The following EFHC1 variants were observed in gnomAD, a reference collection of about 807,000 sequenced individuals.
EFHC1 encodes EF-hand domain containing 1.
In EFHC1, 53 loss-of-function variants were observed where a neutral mutation model predicts 69.9. The ratio of observed to expected loss-of-function variants is 0.76; its 90% CI spans 0.61 to 0.95. The LOEUF is 0.95. Ranked by LOEUF, EFHC1 falls within the 40% of genes least tolerant of loss-of-function variation. The pLI is 0.00. For synonymous variants in EFHC1, 256 were observed against 278.4 expected (o/e 0.92, Z 0.80); for missense variants, 739 against 798.7 (o/e 0.93, Z 0.90).
At position 52,496,195 on chromosome 6, in the gene EFHC1, TACACACACACACCC is replaced by T. The variant is rs749969695; in HGVS notation, c.*3867_*3880del. ...CCACCAGGGAGTTGAAAGATTCTAA[TACACACACACACCC>T]ACACACACACACACACAAAGAGAGA... On this transcript the variant is annotated 3_prime_UTR_variant, in exon 11 of 11. Coordinates refer to ENST00000371068, the MANE Select transcript of EFHC1 (RefSeq NM_018100.4). 362 of 153,012 alleles carry T rather than the reference TACACACACACACCC, an allele frequency of 2.4e-3. 1 individual carries two copies. Among genetic ancestry groups the T allele is most frequent in the Non-Finnish European group, 4.1e-3 (282 of 68,780 alleles). The allele number at this position is 153,012 out of a possible 1,614,324, so 9.5% of individuals were successfully genotyped here.
chr6:52,445,513 T>C (rs1034656155), intron 3 of EFHC1, among the ~76,000 whole-genome samples: 6 of 145,738 alleles, frequency 4.1e-5, no homozygotes, highest in South Asian at 2.3e-4. Flanking sequence ...TGTGATCTCA[T>C]TGGGATTCAT....
In EFHC1 at chr6:52,469,270, C is replaced by A. The variant is rs1765380751; in HGVS notation, c.1138-63C>A. The stretch of plus-strand genomic sequence containing the variant: ...AGTTTTTTCTTTAAACTTATAGTTA[C>A]CTTTAATGTAATCTTAACACAAGTA... On this transcript the variant is annotated intron_variant, in intron 6 of 10. Transcript: ENST00000371068. 7.5e-6 allele frequency: 12 copies of A among 1,598,472 alleles called. No individual in the cohort carries two copies. The African/African-American group carries it at 8.0e-5, about 11-fold the overall frequency.
Position 52,462,499 on chromosome 6 carries a change from A to T in EFHC1, c.917-2396A>T, listed in dbSNP as rs144942165. Among the ~76,000 whole-genome samples, 539 of 152,294 alleles carry T rather than the reference A, an allele frequency of 3.5e-3. 3 individuals are homozygous for T. The highest frequency in any genetic ancestry group is 0.012 in the African/African-American group (509 of 41,534). ...AACAGAGAAGATTTGTCAAGTCAAAAGTCATCTCCTTGAAAGGACTAATAA... is the reference window on the plus strand; with the variant it reads ...AACAGAGAAGATTTGTCAAGTCAAATGTCATCTCCTTGAAAGGACTAATAA... On this transcript the variant is annotated intron_variant, in intron 5 of 10. Coordinates refer to ENST00000371068, the MANE Select transcript of EFHC1 (RefSeq NM_018100.4).
At chr6:52,456,904 G>C in intron 5 of EFHC1, among the ~76,000 whole-genome samples, 1 of 152,110 alleles carries the variant, frequency 6.6e-6, no homozygotes, top group Middle Eastern at 3.2e-3. Context: ...AACAGAGCAA[G>C]ACTCCATCTC....
chr6:52,466,568 A>G (rs1262502713), intron 6 of EFHC1, among the ~76,000 whole-genome samples: 5 of 152,144 alleles, frequency 3.3e-5, no homozygotes, highest in East Asian at 1.9e-4. Flanking sequence ...ATTATCTGCT[A>G]GTGAATATTT....
intron 3 of EFHC1, among the ~76,000 whole-genome samples, chr6:52,443,027 C>A (rs1285431451): frequency 6.6e-6 from 1 of 152,250 alleles, no homozygotes; most frequent in Admixed American, 6.5e-5. Context: ...TTGCATTTCT[C>A]TGATGGCCAG....
At position 52,452,794 on chromosome 6, in the gene EFHC1, C is replaced by T. The variant is rs796052412; in HGVS notation, c.680C>T (p.Ser227Leu). 1.9e-6 allele frequency: 3 copies of T among 1,614,030 alleles called. No individual in the cohort carries two copies. Among genetic ancestry groups the T allele is most frequent in the Non-Finnish European group, 2.5e-6 (3 of 1,179,886 alleles). The part of the protein sequence containing the change: ...KQPLRKYVTP[S>L]DFDQLKQFLT... ...CCTCTTCGTAAGTATGTCACCCCAT[C>T]AGACTTTGATCAACTCAAGCAATTT... The change falls in exon 4 of 11, where the codon TCA (serine) becomes TTA (leucine). Residue 227 changes from serine to leucine, a missense_variant. Transcript: ENST00000371068.
At chr6:52,450,559 G>A (rs762477876) in intron 3 of EFHC1, among the ~76,000 whole-genome samples, 1 of 152,056 alleles carries the variant, frequency 6.6e-6, no homozygotes, top group Non-Finnish European at 1.5e-5. Context: ...ATTATACAGT[G>A]CCCTTCTTTG....
In EFHC1 at chr6:52,495,578, G is replaced by A. The variant is rs1231646713; in HGVS notation, c.*3237G>A. The A allele has an allele frequency of 2.2e-6, 1 of 454,016 alleles. No individual in the cohort carries two copies. The highest frequency in any genetic ancestry group is 4.4e-6 in the Non-Finnish European group (1 of 226,744). The allele number at this position is 454,016 out of a possible 1,614,324, so 28.1% of individuals were successfully genotyped here. On this transcript the variant is annotated 3_prime_UTR_variant, in exon 11 of 11. Transcript: ENST00000371068. ...AGCATCCTCTAGCCTGCTTTTGGCT[G>A]TTTTGTTTTGTTTTTGTGTTTGTTT... is the stretch of plus-strand genomic sequence containing the variant.
At chr6:52,478,184 C>A (rs2114022360) in intron 7 of EFHC1, among the ~76,000 whole-genome samples, 1 of 151,614 alleles carries the variant, frequency 6.6e-6, no homozygotes, top group Admixed American at 6.6e-5. Flanking sequence ...AACAAAAAAC[C>A]AAACACCGCA....
chr6:52,487,563 T>A (rs1004501226), intron 9 of EFHC1: 5 of 151,788 alleles, frequency 3.3e-5, no homozygotes, highest in African/African-American at 1.2e-4. Context: ...GCCATTGTCA[T>A]TTTCATCTTT....
chr6:52,453,236 A>G (rs1241833983), intron 4 of EFHC1: 1 of 1,291,082 alleles, frequency 7.7e-7, no homozygotes, highest in East Asian at 5.5e-5. Flanking sequence ...GCATACATGT[A>G]GGTTGTAATG....
At chr6:52,462,339 G>A (rs1052649903) in intron 5 of EFHC1, among the ~76,000 whole-genome samples, 1 of 151,570 alleles carries the variant, frequency 6.6e-6, no homozygotes, top group African/African-American at 2.4e-5. Context: ...TAAGAAAGAA[G>A]AAAGATGACA....
chr6:52,436,383 T>A (rs1764532775), intron 2 of EFHC1, among the ~76,000 whole-genome samples: 1 of 152,186 alleles, frequency 6.6e-6, no homozygotes, highest in African/African-American at 2.4e-5. Flanking sequence ...TACCCATTTT[T>A]TTTTTTAGCA....
At chr6:52,467,368 AC>A (rs148118918) in intron 6 of EFHC1, among the ~76,000 whole-genome samples, 14,335 of 151,872 alleles carry the variant, frequency 0.094, 1,121 homozygotes, top group Admixed American at 0.26. Context: ...TTTAGTACAG[AC>A]GGGGTTTCAC....
intron 3 of EFHC1, among the ~76,000 whole-genome samples, chr6:52,441,250 G>A (rs939457505): frequency 3.9e-5 from 6 of 152,090 alleles, no homozygotes; most frequent in Non-Finnish European, 8.8e-5. Context: ...TTGTCTTCCA[G>A]GGTGTTTATA....
rs530754239 is a variant in EFHC1 at position 52,459,644 on chromosome 6, C to T, written c.917-5251C>T. Among the ~76,000 whole-genome samples, 43 of 152,154 alleles carry T rather than the reference C, an allele frequency of 2.8e-4. 2 individuals carry two copies. The South Asian group carries it at 8.7e-3, about 31-fold the overall frequency. On this transcript the variant is annotated intron_variant, in intron 5 of 10. Transcript: ENST00000371068. The stretch of plus-strand genomic sequence containing the variant: ...CTGAAACAACCACGTTGAAAAATAG[C>T]GTGACAGGTTTTTTTGTTTTGTTTG...
At chr6:52,474,237 A>C (rs1056551057) in intron 7 of EFHC1, among the ~76,000 whole-genome samples, 4 of 152,186 alleles carry the variant, frequency 2.6e-5, no homozygotes, top group Admixed American at 6.5e-5. Flanking sequence ...GATCACTTGA[A>C]CCCAGGAGTT....
rs1007148925 is a variant in EFHC1, at chr6:52,492,336, A to G, written c.1918A>G (p.Asn640Asp). The part of the protein sequence containing the change: ...NYYNFVRAFS[N>D] The stretch of plus-strand genomic sequence containing the variant: ...CTATAACTTTGTTCGTGCTTTCTCA[A>G]ACTGACCTGCTGATGAGAAAATGCA... Residue 640 changes from asparagine to aspartate, a missense_variant, in exon 11 of 11, where the codon AAC becomes GAC. Physicochemically the swap from Asn to Asp is conservative, Grantham distance 23. Transcript: ENST00000371068. 5 of 1,613,870 alleles carry G rather than the reference A, an allele frequency of 3.1e-6. No homozygotes were observed. The highest frequency in any genetic ancestry group is 2.2e-5 in the East Asian group (1 of 44,884).
Sources: gnomAD v4.1 joint callset for allele counts (sites outside exome capture counted in the v4.1 genomes callset) on GRCh38, gnomAD v4.1.1 for gene constraint, MANE v1.5 for transcripts, NCBI Gene and HGNC (gene_info 2026-07-23, HGNC 2026-07-21) for gene names.